Variants in MAP2K6 observed in about 807,000 individuals in gnomAD.
MAP2K6 encodes dual specificity mitogen-activated protein kinase kinase 6.
Under a neutral mutation model 53.7 loss-of-function variants are expected in MAP2K6, and 16 were observed. The ratio of observed to expected loss-of-function variants is 0.30; its 90% CI spans 0.20 to 0.45. The LOEUF (loss-of-function observed/expected upper bound fraction) is 0.45. Ranked by LOEUF, MAP2K6 falls within the 20% of genes least tolerant of loss-of-function variation. MAP2K6 has a pLI of 1.00. For synonymous variants in MAP2K6, 132 were observed against 143.1 expected, an observed-to-expected ratio of 0.92 and a Z score of 0.55; for missense variants, 204 against 411.9, an observed-to-expected ratio of 0.50 and a Z score of 4.37.
chr17:69,438,590 A>T (rs1007784316), intron 1 of MAP2K6, among the ~76,000 whole-genome samples: 2 of 151,442 alleles, frequency 1.3e-5, no homozygotes, highest in African/African-American at 2.4e-5. Context: ...TGATACTTTT[A>T]TTTTTTTTCT....
chr17:69,506,721 A>G (rs1909506613), intron 2 of MAP2K6, among the ~76,000 whole-genome samples: 1 of 152,206 alleles, frequency 6.6e-6, no homozygotes, highest in African/African-American at 2.4e-5. Flanking sequence ...AAATGGGATC[A>G]TGTCTGCTGT....
chr17:69,501,436 C>T (rs932396542), intron 1 of MAP2K6, among the ~76,000 whole-genome samples: 7 of 152,154 alleles, frequency 4.6e-5, no homozygotes, highest in African/African-American at 1.7e-4. Context: ...CCATCATTTT[C>T]GGTGCAGTCA....
intron 1 of MAP2K6, among the ~76,000 whole-genome samples, chr17:69,417,777 G>A (rs1598250580): frequency 6.6e-6 from 1 of 152,184 alleles, no homozygotes; most frequent in East Asian, 1.9e-4. Context: ...CAGCCATAAT[G>A]ATCTCCGGAG....
Position 69,471,092 on chromosome 17 carries a change from A to C in MAP2K6, c.17-34688A>C, listed in dbSNP as rs140404296. 3.5e-3 allele frequency among the ~76,000 whole-genome samples: 536 copies of C among 152,330 alleles called. 3 individuals carry two copies. Among genetic ancestry groups the C allele is most frequent in the African/African-American group, 0.012 (518 of 41,564 alleles). ...TTGCAGGTAAATTAATTGATTGAGCATATATCTCAAACTATCAAAATAGGG... is the reference window on the plus strand; with the variant it reads ...TTGCAGGTAAATTAATTGATTGAGCCTATATCTCAAACTATCAAAATAGGG... On this transcript the variant is annotated intron_variant, in intron 1 of 11. Transcript: ENST00000590474.
intron 1 of MAP2K6, among the ~76,000 whole-genome samples, chr17:69,503,143 C>T (rs766610879): frequency 2.0e-5 from 3 of 152,112 alleles, no homozygotes; most frequent in Non-Finnish European, 2.9e-5. Context: ...ACTGTAGGGT[C>T]GCCTTTTGGG....
chr17:69,499,968 T>C (rs1567841210), intron 1 of MAP2K6, among the ~76,000 whole-genome samples: 1 of 152,088 alleles, frequency 6.6e-6, no homozygotes, highest in Admixed American at 6.5e-5. Flanking sequence ...AATCCTTAGA[T>C]TGTGTTCAGG....
At chr17:69,491,521 G>C (rs1179291267) in intron 1 of MAP2K6, among the ~76,000 whole-genome samples, 2 of 152,108 alleles carry the variant, frequency 1.3e-5, no homozygotes, top group Non-Finnish European at 2.9e-5. Context: ...TAGTGCTGCA[G>C]TGAACATATA....
intron 1 of MAP2K6, among the ~76,000 whole-genome samples, chr17:69,426,519 C>T (rs1421760077): frequency 6.6e-6 from 1 of 152,034 alleles, no homozygotes; most frequent in Non-Finnish European, 1.5e-5. Flanking sequence ...TCCTTCCAGC[C>T]CTTAAGGAGG....
At chr17:69,427,200 G>A (rs961735501) in intron 1 of MAP2K6, among the ~76,000 whole-genome samples, 2 of 151,902 alleles carry the variant, frequency 1.3e-5, no homozygotes, top group Non-Finnish European at 2.9e-5. Flanking sequence ...TGTTTTTCTC[G>A]AATCATCTGA....
intron 11 of MAP2K6, among the ~76,000 whole-genome samples, chr17:69,540,173 C>G (rs1213022390): frequency 6.6e-6 from 1 of 152,138 alleles, no homozygotes; most frequent in Non-Finnish European, 1.5e-5. Context: ...CTGACTCATC[C>G]AACCCTCTGC....
intron 1 of MAP2K6, among the ~76,000 whole-genome samples, chr17:69,456,479 T>C (rs940159245): frequency 2.0e-5 from 3 of 152,208 alleles, no homozygotes; most frequent in Non-Finnish European, 2.9e-5. Context: ...ATTGTAATTA[T>C]CAGATATTGA....
intron 1 of MAP2K6, among the ~76,000 whole-genome samples, chr17:69,490,931 T>C (rs1282983331): frequency 2.0e-5 from 3 of 152,152 alleles, no homozygotes; most frequent in African/African-American, 7.2e-5. Context: ...TGTGTTCTCA[T>C]CATTTAGTTC....
chr17:69,420,697 A>C lies in MAP2K6; in HGVS notation c.16+5697A>C, dbSNP rs1466325742. 2.0e-5 allele frequency among the ~76,000 whole-genome samples: 3 copies of C among 152,198 alleles called. No individual in the cohort carries two copies. The East Asian group carries it at 5.8e-4, about 29-fold the overall frequency. ...GATTCTCTGTCCGTAAGTTCTTTTCACTAAACCACACGTGAACACTAATAA... is the reference window on the plus strand; with the variant it reads ...GATTCTCTGTCCGTAAGTTCTTTTCCCTAAACCACACGTGAACACTAATAA... On this transcript the variant is annotated intron_variant, in intron 1 of 11. Coordinates refer to ENST00000590474, the MANE Select transcript of MAP2K6 (RefSeq NM_002758.4).
intron 1 of MAP2K6, among the ~76,000 whole-genome samples, chr17:69,484,799 G>C (rs551778510): frequency 7.2e-5 from 11 of 152,184 alleles, no homozygotes; most frequent in African/African-American, 2.4e-4. Context: ...AAAATATTTT[G>C]CAAAGTGAAA....
At chr17:69,450,077 G>A (rs551004257) in intron 1 of MAP2K6, among the ~76,000 whole-genome samples, 4 of 149,590 alleles carry the variant, frequency 2.7e-5, no homozygotes, top group South Asian at 2.1e-4. Context: ...TGGGACTACA[G>A]GTGTGCACTA....
rs534663680 is a variant in MAP2K6, at chr17:69,517,749, A to T, written c.246+136A>T. The T allele has an allele frequency of 6.3e-6, 3 of 475,360 alleles. No homozygotes were observed. The East Asian group carries it at 1.0e-4, about 17-fold the overall frequency. 29.4% of individuals were successfully genotyped at this position (475,360 alleles called of 1,614,324 possible). A position where few individuals can be genotyped will look rare whatever the true frequency, so the allele number is the denominator to read the frequency against. On this transcript the variant is annotated intron_variant, in intron 4 of 11. Transcript: ENST00000590474. ...ACAGAAAAGATTATTTGCAGGGAAC[A>T]GTATTTTCCTCCAAAGGTATGGAAA...
At chr17:69,536,799 C>T (rs778552347) in intron 11 of MAP2K6, among the ~76,000 whole-genome samples, 7 of 152,060 alleles carry the variant, frequency 4.6e-5, no homozygotes, top group Admixed American at 6.6e-5. Context: ...AACTATAGGC[C>T]GGGCATGGTG....
At chr17:69,529,504 A>AT (rs10566943) in intron 10 of MAP2K6, among the ~76,000 whole-genome samples, 809 of 98,324 alleles carry the variant, frequency 8.2e-3, no homozygotes, top group East Asian at 0.014. Context: ...ATGGTTTTTA[A>AT]TTTTTTTTTT....
intron 1 of MAP2K6, among the ~76,000 whole-genome samples, chr17:69,473,635 C>T (rs1361931558): frequency 6.6e-6 from 1 of 151,984 alleles, no homozygotes; most frequent in Non-Finnish European, 1.5e-5. Context: ...TTACTTTTGT[C>T]CCCCTCCAGT....
Sources: gnomAD v4.1 joint callset for allele counts (sites outside exome capture counted in the v4.1 genomes callset) on GRCh38, gnomAD v4.1.1 for gene constraint, MANE v1.5 for transcripts, NCBI Gene and HGNC (gene_info 2026-07-23, HGNC 2026-07-21) for gene names.